Variants in AGBL4 observed in about 807,000 individuals in gnomAD.
AGBL4 encodes AGBL carboxypeptidase 4.
A neutral mutation model predicts 66.4 loss-of-function variants in AGBL4; 58 were observed. The ratio of observed to expected loss-of-function variants is 0.87; its 90% confidence interval spans 0.71 to 1.09. The LOEUF (loss-of-function observed/expected upper bound fraction) is 1.09, where lower values mean the gene tolerates loss of function less well. Among genes scored for constraint, AGBL4 ranks in the 50% least tolerant of loss-of-function variants. The probability of loss-of-function intolerance (pLI) is 0.00; values close to 1 mark genes in which losing one functional copy is unlikely to be tolerated. For missense variants in AGBL4, 579 were observed against 631.0 expected (o/e 0.92, Z 0.88); for synonymous variants, 234 against 222.9 (o/e 1.05, Z -0.44).
chr1:49,102,265 T>G (rs1645216400), intron 4 of AGBL4, among the ~76,000 whole-genome samples: 1 of 152,090 alleles, frequency 6.6e-6, no homozygotes, highest in Non-Finnish European at 1.5e-5. Flanking sequence ...TATCAGACAC[T>G]ATTTTAGAGT....
At chr1:49,316,182 A>T (rs1170361073) in intron 3 of AGBL4, among the ~76,000 whole-genome samples, 1 of 151,956 alleles carries the variant, frequency 6.6e-6, no homozygotes. Flanking sequence ...ATGAAACTGT[A>T]ATGATAGATA....
chr1:49,524,513 T>C (rs1454318011), intron 3 of AGBL4, among the ~76,000 whole-genome samples: 10 of 152,042 alleles, frequency 6.6e-5, no homozygotes, highest in Admixed American at 6.5e-4. Flanking sequence ...GTTAAAGATG[T>C]ATTATAGTTA....
rs537266963 is a variant in AGBL4 at position 49,193,676 on chromosome 1, C to T, written c.377+52094G>A. Among the ~76,000 whole-genome samples, 8 of 151,678 alleles carry T rather than the reference C, an allele frequency of 5.3e-5. No homozygotes were observed. In the South Asian group the frequency reaches 6.3e-4, roughly 12 times the overall value. Reference sequence around the variant, plus strand: ...CAGAGTAGCTGGGACTACAGGTGCCCGCCACCGTGCCAGGCTAATTTTTTG... The same window carrying T: ...CAGAGTAGCTGGGACTACAGGTGCCTGCCACCGTGCCAGGCTAATTTTTTG... On this transcript the variant is annotated intron_variant, in intron 4 of 13. Transcript: ENST00000371839.
chr1:49,192,916 T>C (rs1001353893), intron 4 of AGBL4, among the ~76,000 whole-genome samples: 1 of 152,246 alleles, frequency 6.6e-6, no homozygotes, highest in African/African-American at 2.4e-5. Flanking sequence ...TATTGGTCTG[T>C]CCAGGATTTT....
At chr1:49,038,966 T>C (rs2149046496) in intron 5 of AGBL4, among the ~76,000 whole-genome samples, 1 of 152,122 alleles carries the variant, frequency 6.6e-6, no homozygotes, top group East Asian at 1.9e-4. Context: ...CTTCAATAGG[T>C]AGATAAGTAA....
At chr1:49,594,428 G>T (rs1644812533) in intron 3 of AGBL4, among the ~76,000 whole-genome samples, 1 of 152,124 alleles carries the variant, frequency 6.6e-6, no homozygotes, top group African/African-American at 2.4e-5. Context: ...CATGTGCCAT[G>T]GGTGGTTTGC....
intron 3 of AGBL4, among the ~76,000 whole-genome samples, chr1:49,288,375 A>G (rs1001360748): frequency 3.3e-5 from 5 of 151,976 alleles, no homozygotes; most frequent in African/African-American, 1.2e-4. Context: ...AAAAAAAAAA[A>G]AGAAAGAAAG....
Position 49,473,199 on chromosome 1 carries a change from T to G in AGBL4, c.282+224114A>C, listed in dbSNP as rs529376197. 1.6e-3 allele frequency among the ~76,000 whole-genome samples: 250 copies of G among 152,068 alleles called. 2 individuals carry two copies. The South Asian group carries it at 0.021, about 13-fold the overall frequency. On this transcript the variant is annotated intron_variant, in intron 3 of 13. Transcript: ENST00000371839. ...TGAGATTCCTAAGTCGAATGACTGT[T>G]CTCTTTTAAGAAATCTCCAAACTGC...
intron 11 of AGBL4, among the ~76,000 whole-genome samples, chr1:48,547,314 G>C (rs1195189382): frequency 2.0e-5 from 3 of 152,158 alleles, no homozygotes; most frequent in Non-Finnish European, 2.9e-5. Context: ...GAAGAAAAGG[G>C]AGGTCCCAGC....
At chr1:49,948,124 A>G (rs1283556367) in intron 1 of AGBL4, among the ~76,000 whole-genome samples, 4 of 47,724 alleles carry the variant, frequency 8.4e-5, no homozygotes, top group South Asian at 1.0e-3. Context: ...GTATGTAAAT[A>G]TATATAAATA....
intron 5 of AGBL4, among the ~76,000 whole-genome samples, chr1:49,036,162 TAA>T (rs956553007): frequency 2.0e-5 from 3 of 151,626 alleles, no homozygotes; most frequent in African/African-American, 7.3e-5. Flanking sequence ...ATTTTTTAAA[TAA>T]GAGGTTTATT....
chr1:48,899,002 C>T (rs1361470717), intron 5 of AGBL4, among the ~76,000 whole-genome samples: 3 of 152,222 alleles, frequency 2.0e-5, no homozygotes, highest in Admixed American at 1.3e-4. Flanking sequence ...AGAGTGATTG[C>T]GCTGCTTCCT....
At chr1:49,612,148 G>C (rs1413250436) in intron 3 of AGBL4, among the ~76,000 whole-genome samples, 1 of 152,080 alleles carries the variant, frequency 6.6e-6, no homozygotes, top group Non-Finnish European at 1.5e-5. Context: ...TTTTTTCTAT[G>C]TGTGTATTGC....
At chr1:49,640,551 T>C (rs1353295224) in intron 3 of AGBL4, among the ~76,000 whole-genome samples, 1 of 152,142 alleles carries the variant, frequency 6.6e-6, no homozygotes, top group Non-Finnish European at 1.5e-5. Flanking sequence ...ACATCTTTTT[T>C]ATGTAGCAGA....
rs889475076 is a variant in AGBL4 at position 49,260,643 on chromosome 1, C to T, written c.283-14779G>A. Reference sequence around the variant, plus strand: ...AATCTCTGAATAGACCAATAACAGGCTCTGAAATTGTGGCAAAAATCAATA... The same window carrying T: ...AATCTCTGAATAGACCAATAACAGGTTCTGAAATTGTGGCAAAAATCAATA... On this transcript the variant is annotated intron_variant, in intron 3 of 13. Transcript: ENST00000371839. Among the ~76,000 whole-genome samples the T allele has an allele frequency of 1.4e-4, 22 of 152,174 alleles. No individual in the cohort carries two copies. In the South Asian group the frequency reaches 3.3e-3, roughly 23 times the overall value.
In AGBL4 at chr1:49,226,521, A is replaced by G. The variant is rs2148287999; in HGVS notation, c.377+19249T>C. Among the ~76,000 whole-genome samples the G allele has an allele frequency of 2.0e-5, 3 of 152,210 alleles. 1 individual carries two copies. In the South Asian group the frequency reaches 6.2e-4, roughly 32 times the overall value. On this transcript the variant is annotated intron_variant, in intron 4 of 13. Coordinates refer to ENST00000371839, the MANE Select transcript of AGBL4 (RefSeq NM_032785.4). ...TTCCTTAATGTCTCTCCTGATCTCC[A>G]TATTTATAGGTTTGACTGCAGCTGG...
At chr1:49,460,258 C>T (rs957132414) in intron 3 of AGBL4, among the ~76,000 whole-genome samples, 1 of 151,590 alleles carries the variant, frequency 6.6e-6, no homozygotes, top group African/African-American at 2.4e-5. Context: ...TATTTTATAA[C>T]TTTGAGAGCT....
chr1:48,677,623 A>T (rs1283711154), intron 6 of AGBL4, among the ~76,000 whole-genome samples: 1 of 152,234 alleles, frequency 6.6e-6, no homozygotes, highest in Non-Finnish European at 1.5e-5. Flanking sequence ...GCCCCAGTCC[A>T]CATGATGAGC....
chr1:49,926,233 T>C (rs772819911), intron 1 of AGBL4, among the ~76,000 whole-genome samples: 11 of 152,352 alleles, frequency 7.2e-5, no homozygotes, highest in Middle Eastern at 3.4e-3. Flanking sequence ...CAAGAGTCTC[T>C]GCCTGGTAAT....
Sources: gnomAD v4.1 joint callset for allele counts (sites outside exome capture counted in the v4.1 genomes callset) on GRCh38, gnomAD v4.1.1 for gene constraint, MANE v1.5 for transcripts, NCBI Gene and HGNC (gene_info 2026-07-23, HGNC 2026-07-21) for gene names.